INPP4B: variants seen among roughly 807,000 people sequenced by gnomAD.
INPP4B encodes the protein inositol polyphosphate-4-phosphatase type II B.
A neutral mutation model predicts 122.5 loss-of-function variants in INPP4B; 55 were observed. That is an observed-to-expected ratio of 0.45 (90% CI 0.36 to 0.56). The LOEUF is 0.56. Ranked by LOEUF, INPP4B falls within the 20% of genes least tolerant of loss-of-function variation. The pLI is 0.00. For synonymous variants in INPP4B, 403 were observed against 388.7 expected (o/e 1.04, Z -0.43); for missense variants, 1,000 against 1,097.7 (o/e 0.91, Z 1.26).
At chr4:142,180,434 C>G (rs1342381996) in intron 15 of INPP4B, among the ~76,000 whole-genome samples, 2 of 152,118 alleles carry the variant, frequency 1.3e-5, no homozygotes, top group East Asian at 3.9e-4. Flanking sequence ...TGTATTTATC[C>G]TAATAATTTA....
chr4:142,403,609 A>T (rs954161996), intron 6 of INPP4B, among the ~76,000 whole-genome samples: 4 of 152,166 alleles, frequency 2.6e-5, no homozygotes, highest in African/African-American at 9.7e-5. Context: ...ATTTGAGGCT[A>T]TAAAATTACT....
intron 5 of INPP4B, among the ~76,000 whole-genome samples, chr4:142,406,875 G>T (rs1305138104): frequency 2.6e-5 from 4 of 152,102 alleles, no homozygotes; most frequent in African/African-American, 9.7e-5. Flanking sequence ...GAAACATGAA[G>T]TGCTCACATT....
At chr4:142,258,882 C>T (rs1035979491) in intron 11 of INPP4B, among the ~76,000 whole-genome samples, 2 of 152,154 alleles carry the variant, frequency 1.3e-5, no homozygotes, top group African/African-American at 4.8e-5. Context: ...ATAAATCATG[C>T]TGCTATAAAG....
At chr4:142,213,389 G>T (rs988946552) in intron 12 of INPP4B, among the ~76,000 whole-genome samples, 2 of 152,092 alleles carry the variant, frequency 1.3e-5, no homozygotes, top group African/African-American at 4.8e-5. Context: ...CTTTGGAAAG[G>T]GAGGCCATGT....
intron 14 of INPP4B, among the ~76,000 whole-genome samples, chr4:142,194,334 T>G (rs1027590661): frequency 1.3e-5 from 2 of 152,296 alleles, no homozygotes; most frequent in African/African-American, 4.8e-5. Flanking sequence ...CTTATTAAGA[T>G]AGCAGAACAT....
chr4:142,215,849 T>C (rs184163006), intron 12 of INPP4B, among the ~76,000 whole-genome samples: 4,810 of 133,174 alleles, frequency 0.036, 271 homozygotes, highest in African/African-American at 0.13. Context: ...GCTGAGATTG[T>C]GCCACTACAC....
intron 11 of INPP4B, among the ~76,000 whole-genome samples, chr4:142,242,524 G>A (rs980278720): frequency 2.0e-5 from 3 of 152,154 alleles, no homozygotes; most frequent in African/African-American, 7.2e-5. Flanking sequence ...GTTTCAGTGA[G>A]TGAAGGATAC....
In INPP4B at chr4:142,193,663, T is replaced by C. The variant is rs907048244; in HGVS notation, c.1073-468A>G. Among the ~76,000 whole-genome samples the C allele has an allele frequency of 3.3e-5, 5 of 152,270 alleles. No individual in the cohort carries two copies. In the East Asian group the frequency reaches 9.7e-4, roughly 29 times the overall value. On this transcript the variant is annotated intron_variant, in intron 14 of 25. Coordinates refer to ENST00000262992, the MANE Select transcript of INPP4B (RefSeq NM_001101669.3). The stretch of plus-strand genomic sequence containing the variant: ...AAGGGCAGATTAGTACTAGTGCATT[T>C]TAAAAAATCTATACAGAGTACTTTC...
intron 7 of INPP4B, among the ~76,000 whole-genome samples, chr4:142,315,986 A>G (rs1283577576): frequency 6.6e-6 from 1 of 152,086 alleles, no homozygotes; most frequent in South Asian, 2.1e-4. Flanking sequence ...TAATAATATT[A>G]AAAGACTTGA....
chr4:142,288,455 G>C (rs1235018274), intron 9 of INPP4B, among the ~76,000 whole-genome samples: 1 of 152,122 alleles, frequency 6.6e-6, no homozygotes, highest in African/African-American at 2.4e-5. Context: ...GTGGTGTCAG[G>C]TGCCTGTAGT....
chr4:142,156,002 G>A lies in INPP4B; in HGVS notation c.1563+4356C>T, dbSNP rs368977038. 1.3e-3 allele frequency among the ~76,000 whole-genome samples: 185 copies of A among 147,758 alleles called. 3 individuals carry two copies. In the South Asian group the frequency reaches 0.022, roughly 17 times the overall value. On this transcript the variant is annotated intron_variant, in intron 17 of 25. Transcript: ENST00000262992. ...AACACATTTAACATAATATGAAATA[G>A]CAAATGTTTGCCTAGCTTAAGAAAG... is the stretch of plus-strand genomic sequence containing the variant.
Position 142,026,444 on chromosome 4 carries a change from A to G in INPP4B, c.*2338T>C, listed in dbSNP as rs1299403656. 1 of 152,164 alleles carries G rather than the reference A, an allele frequency of 6.6e-6. No individual in the cohort carries two copies. The highest frequency in any genetic ancestry group is 1.5e-5 in the Non-Finnish European group (1 of 68,036). 9.4% of individuals were successfully genotyped at this position (152,164 alleles called of 1,614,324 possible). A position where few individuals can be genotyped will look rare whatever the true frequency, so the allele number is the denominator to read the frequency against. On this transcript the variant is annotated 3_prime_UTR_variant, in exon 26 of 26. Transcript: ENST00000262992. ...GCATTTGTATTACAGTAAGCACTAT[A>G]ATTTGAGACTTCTATATTATTCATT...
rs115815961 is a variant in INPP4B at position 142,662,531 on chromosome 4, T to G, written c.-191+63308A>C. Among the ~76,000 whole-genome samples the G allele has an allele frequency of 9.2e-3, 1,394 of 152,220 alleles. 20 individuals are homozygous for G. The highest frequency in any genetic ancestry group is 0.032 in the African/African-American group (1,332 of 41,540). Reference sequence around the variant, plus strand: ...AGATACACTTCCTAGCTACCCTGGATTCAGGTTTGTCCATGTGCTAGCCCC... The same window carrying G: ...AGATACACTTCCTAGCTACCCTGGAGTCAGGTTTGTCCATGTGCTAGCCCC... On this transcript the variant is annotated intron_variant, in intron 2 of 25. Coordinates refer to ENST00000262992, the MANE Select transcript of INPP4B (RefSeq NM_001101669.3).
intron 2 of INPP4B, among the ~76,000 whole-genome samples, chr4:142,714,035 T>C (rs1472777576): frequency 4.6e-5 from 7 of 152,194 alleles, no homozygotes; most frequent in African/African-American, 1.7e-4. Context: ...AAATGCTGGA[T>C]TAAACAAAGT....
intron 1 of INPP4B, among the ~76,000 whole-genome samples, chr4:142,779,749 A>C (rs1017878806): frequency 6.6e-6 from 1 of 152,198 alleles, no homozygotes; most frequent in African/African-American, 2.4e-5. Flanking sequence ...GTAACAAAAT[A>C]AAAATGAATA....
At chr4:142,259,965 T>C (rs1738940089) in intron 11 of INPP4B, among the ~76,000 whole-genome samples, 1 of 152,162 alleles carries the variant, frequency 6.6e-6, no homozygotes, top group Non-Finnish European at 1.5e-5. Context: ...AATGTCATTA[T>C]GCAGCACATG....
At chr4:142,616,978 C>T (rs1346649151) in intron 2 of INPP4B, among the ~76,000 whole-genome samples, 1 of 152,010 alleles carries the variant, frequency 6.6e-6, no homozygotes, top group Non-Finnish European at 1.5e-5. Flanking sequence ...TAAATACTAC[C>T]TATTGGGTAC....
At chr4:142,213,239 G>T (rs1257844050) in intron 12 of INPP4B, among the ~76,000 whole-genome samples, 1 of 152,212 alleles carries the variant, frequency 6.6e-6, no homozygotes, top group Non-Finnish European at 1.5e-5. Context: ...CTCCAAAGTG[G>T]AGAGGATGCA....
intron 3 of INPP4B, among the ~76,000 whole-genome samples, chr4:142,444,844 G>T (rs1580080455): frequency 6.6e-6 from 1 of 152,016 alleles, no homozygotes; most frequent in East Asian, 1.9e-4. Context: ...AGAAAAAAAA[G>T]AATGAGTTTA....
Sources: gnomAD v4.1 joint callset for allele counts (sites outside exome capture counted in the v4.1 genomes callset) on GRCh38, gnomAD v4.1.1 for gene constraint, MANE v1.5 for transcripts, NCBI Gene and HGNC (gene_info 2026-07-23, HGNC 2026-07-21) for gene names.